The following VRK2 variants were observed in gnomAD, a reference collection of about 807,000 sequenced individuals.
The protein encoded by VRK2 is VRK serine/threonine kinase 2, also known as serine/threonine-protein kinase VRK2.
A neutral mutation model predicts 57.6 loss-of-function variants in VRK2; 60 were observed. The observed-to-expected ratio is 1.04, with a 90% confidence interval of 0.85 to 1.29. The LOEUF (loss-of-function observed/expected upper bound fraction) is 1.29. Among genes scored for constraint, VRK2 ranks in the 50% most tolerant of loss-of-function variants. VRK2 has a pLI of 0.00. For missense variants in VRK2, 705 were observed against 588.1 expected, an observed-to-expected ratio of 1.20 and a Z score of -2.06; for synonymous variants, 231 against 199.2, an observed-to-expected ratio of 1.16 and a Z score of -1.35.
At chr2:58,012,971 A>T (rs942616400) in intron 1 of VRK2, among the ~76,000 whole-genome samples, 23 of 152,232 alleles carry the variant, frequency 1.5e-4, no homozygotes, top group Admixed American at 1.3e-3. Context: ...CTGAAAATTC[A>T]AAGTTTTACA....
chr2:58,099,949 C>T (rs1012891365), intron 7 of VRK2, among the ~76,000 whole-genome samples: 2 of 152,004 alleles, frequency 1.3e-5, no homozygotes, highest in Non-Finnish European at 2.9e-5. Context: ...ACTTAAAGCT[C>T]ATTGCAGAAG....
chr2:58,114,083 G>C (rs1676038403), intron 7 of VRK2, among the ~76,000 whole-genome samples: 2 of 152,032 alleles, frequency 1.3e-5, no homozygotes, highest in Non-Finnish European at 2.9e-5. Flanking sequence ...AGAAACATTT[G>C]TCATATAGAA....
At chr2:58,144,539 G>C (rs1031850354) in intron 11 of VRK2, among the ~76,000 whole-genome samples, 4 of 151,902 alleles carry the variant, frequency 2.6e-5, no homozygotes, top group African/African-American at 9.7e-5. Context: ...ATAAAGCTGG[G>C]AGGGCAAATC....
At chr2:58,047,009 T>A (rs1674869119) in intron 1 of VRK2, 141 bp downstream of exon 1, 2 of 979,592 alleles carry the variant, frequency 2.0e-6, no homozygotes, top group Non-Finnish European at 2.4e-6. Flanking sequence ...GGGCCTCAGC[T>A]CCGGCCCGGG....
chr2:58,131,475 G>T (rs534401128), intron 8 of VRK2, among the ~76,000 whole-genome samples: 1 of 152,052 alleles, frequency 6.6e-6, no homozygotes, highest in African/African-American at 2.4e-5. Flanking sequence ...TTACTGCTTG[G>T]CTCTTTGAGA....
intron 2 of VRK2, among the ~76,000 whole-genome samples, chr2:58,073,385 A>G (rs1174966017): frequency 2.0e-5 from 3 of 151,994 alleles, no homozygotes; most frequent in East Asian, 1.9e-4. Flanking sequence ...TGCATCTGTC[A>G]ATTACTGATG....
chr2:58,128,649 T>C (rs1469579151), intron 8 of VRK2, among the ~76,000 whole-genome samples: 1 of 152,140 alleles, frequency 6.6e-6, no homozygotes, highest in African/African-American at 2.4e-5. Context: ...AATTGCAAGA[T>C]TGAGCACGGG....
intron 7 of VRK2, among the ~76,000 whole-genome samples, chr2:58,092,037 T>A (rs756311816): frequency 5.3e-5 from 8 of 152,252 alleles, no homozygotes; most frequent in Non-Finnish European, 1.2e-4. Flanking sequence ...TTTTGAGATA[T>A]AATTTACAAA....
chr2:58,141,056 G>T (rs1360217927), intron 11 of VRK2, among the ~76,000 whole-genome samples: 2 of 152,022 alleles, frequency 1.3e-5, no homozygotes, highest in Non-Finnish European at 2.9e-5. Flanking sequence ...GCAGAAGGCA[G>T]AACAAGAGTT....
chr2:57,978,069 A>C (rs1186390615), intron 1 of VRK2, among the ~76,000 whole-genome samples: 1 of 151,326 alleles, frequency 6.6e-6, no homozygotes, highest in East Asian at 1.9e-4. Context: ...AATAAAGACT[A>C]TTTGATCATA....
chr2:57,943,285 G>C (rs1197583652), intron 1 of VRK2, among the ~76,000 whole-genome samples: 1 of 152,174 alleles, frequency 6.6e-6, no homozygotes, highest in Non-Finnish European at 1.5e-5. Context: ...TCAAGCAAAA[G>C]TATCCAATTG....
Position 58,108,168 on chromosome 2 carries a change from C to T in VRK2, c.544-14933C>T, listed in dbSNP as rs760830258. Among the ~76,000 whole-genome samples the T allele has an allele frequency of 4.6e-5, 7 of 152,238 alleles. No individual in the cohort carries two copies. The East Asian group carries it at 1.3e-3, about 29-fold the overall frequency. On this transcript the variant is annotated intron_variant, in intron 7 of 12. Transcript: ENST00000340157. Reference sequence around the variant, plus strand: ...CTTCCTCTTCTTACTCTCTTTTTCTCTATTTATTGAATCATCACTTACTCA... The same window carrying T: ...CTTCCTCTTCTTACTCTCTTTTTCTTTATTTATTGAATCATCACTTACTCA...
chr2:57,925,175 T>C (rs879189320), intron 1 of VRK2, among the ~76,000 whole-genome samples: 3 of 152,044 alleles, frequency 2.0e-5, no homozygotes, highest in African/African-American at 7.2e-5. Flanking sequence ...TTTCTTTTTT[T>C]GATATATCTT....
chr2:57,963,551 G>A (rs531595599), intron 1 of VRK2, among the ~76,000 whole-genome samples: 75 of 152,146 alleles, frequency 4.9e-4, no homozygotes, highest in African/African-American at 1.4e-3. Context: ...ACACATTACC[G>A]TATGCTGCAT....
intron 1 of VRK2, among the ~76,000 whole-genome samples, chr2:57,933,187 A>C (rs1325122327): frequency 6.6e-6 from 1 of 152,022 alleles, no homozygotes; most frequent in African/African-American, 2.4e-5. Context: ...TTTTGGGTCT[A>C]AAGGGTAGTT....
intron 12 of VRK2, among the ~76,000 whole-genome samples, chr2:58,157,676 A>AT (rs1346501045): frequency 3.3e-5 from 5 of 152,216 alleles, no homozygotes; most frequent in Non-Finnish European, 7.3e-5. Context: ...TGAGATCTGC[A>AT]TTTTAACAAG....
chr2:58,139,660 T>G lies in VRK2; in HGVS notation c.857-6T>G. On this transcript the variant is annotated splice_polypyrimidine_tract_variant and splice_region_variant and intron_variant, in intron 10 of 12. Transcript: ENST00000340157. ...AATGACATGTAAAAAATTTAATAAT[T>G]CACAGGTGAAATAGCCCAATTTTTG... The G allele has an allele frequency of 6.2e-7, 1 of 1,606,556 alleles. No individual in the cohort carries two copies. Among genetic ancestry groups the G allele is most frequent in the Non-Finnish European group, 8.5e-7 (1 of 1,177,078 alleles).
chr2:57,933,909 GTGTT>G (rs146265036), intron 1 of VRK2, among the ~76,000 whole-genome samples: 2,196 of 151,988 alleles, frequency 0.014, 74 homozygotes, highest in African/African-American at 0.047. Context: ...GGTTTGAGTG[GTGTT>G]TGTTTGTTTG....
intron 2 of VRK2, among the ~76,000 whole-genome samples, chr2:58,068,439 G>A (rs1170718559): frequency 6.6e-6 from 1 of 151,982 alleles, no homozygotes; most frequent in Admixed American, 6.6e-5. Context: ...TGTTCACTCT[G>A]GCTGCTTTCA....
Sources: allele counts gnomAD v4.1 joint callset (sites outside exome capture counted in the v4.1 genomes callset), GRCh38; gene constraint gnomAD v4.1.1; transcripts MANE v1.5; gene names NCBI Gene and HGNC (gene_info 2026-07-23, HGNC 2026-07-21).